Variants in VDAC1 observed in about 807,000 individuals in gnomAD.
The protein encoded by VDAC1 is voltage dependent anion channel 1.
Under a neutral mutation model 34.7 loss-of-function variants are expected in VDAC1, and 10 were observed. The ratio of observed to expected loss-of-function variants is 0.29; its 90% CI spans 0.18 to 0.49. The LOEUF is 0.49. Among genes scored for constraint, VDAC1 ranks in the 20% least tolerant of loss-of-function variants. VDAC1 has a pLI of 0.99. For synonymous variants in VDAC1, 130 were observed against 136.0 expected (o/e 0.96, Z 0.30); for missense variants, 230 against 347.9 (o/e 0.66, Z 2.69).
At chr5:134,068,466 G>A in the VDAC1 span, among the ~76,000 whole-genome samples, 6 of 150,640 alleles carry the variant, frequency 4.0e-5, no homozygotes, top group Admixed American at 6.6e-5. Flanking sequence ...TGAACAACAC[G>A]TATTTTAGTT....
the VDAC1 span, among the ~76,000 whole-genome samples, chr5:134,078,208 A>T: frequency 2.0e-5 from 3 of 152,200 alleles, no homozygotes; most frequent in Non-Finnish European, 4.4e-5. Flanking sequence ...CCTGCCCTCA[A>T]AGAGGCTAGA....
At chr5:134,095,482 C>CAGTA in the VDAC1 span, among the ~76,000 whole-genome samples, 11 of 98,326 alleles carry the variant, frequency 1.1e-4, no homozygotes, top group East Asian at 1.1e-3. Flanking sequence ...GACTCTGTCT[C>CAGTA]AGTAAATAAA....
At chr5:133,973,317 C>A (rs1177349449) in intron 8 of VDAC1, among the ~76,000 whole-genome samples, 2 of 152,214 alleles carry the variant, frequency 1.3e-5, no homozygotes, top group Non-Finnish European at 2.9e-5. Context: ...CTGGAATAAC[C>A]TGATTCAGGG....
chr5:134,028,876 A>C, the VDAC1 span, among the ~76,000 whole-genome samples: 1 of 152,214 alleles, frequency 6.6e-6, no homozygotes, highest in African/African-American at 2.4e-5. Context: ...TCCTCCCTTC[A>C]GAAGGCAGTT....
chr5:134,063,548 G>A, the VDAC1 span, among the ~76,000 whole-genome samples: 11 of 152,322 alleles, frequency 7.2e-5, no homozygotes, highest in African/African-American at 2.6e-4. Flanking sequence ...ACTGGGGCTT[G>A]CTGTATTTTG....
chr5:134,033,813 A>C, the VDAC1 span, among the ~76,000 whole-genome samples: 39 of 152,096 alleles, frequency 2.6e-4, 2 homozygotes, highest in South Asian at 7.8e-3. Context: ...TAACACGGTG[A>C]AACCCCGTCT....
the VDAC1 span, among the ~76,000 whole-genome samples, chr5:134,089,229 C>T: frequency 6.6e-6 from 1 of 152,246 alleles, no homozygotes. Context: ...ACACCCCAGG[C>T]TCTGAGCTGC....
chr5:134,000,711 C>A (rs1440101439), intron 1 of VDAC1, among the ~76,000 whole-genome samples: 1 of 98 alleles, frequency 0.01, no homozygotes, highest in Non-Finnish European at 0.023. Flanking sequence ...GAAAGAGAGC[C>A]TGGATGGCGT....
chr5:133,980,669 C>A, intron 6 of VDAC1, 60 bp downstream of exon 6: 1 of 884,886 alleles, frequency 1.1e-6, no homozygotes, highest in Non-Finnish European at 1.7e-6. Flanking sequence ...AAAAGCAATC[C>A]CCTTACCACA....
rs769931323 is a variant in VDAC1 at position 133,973,837 on chromosome 5, G to A, written c.714C>T (p.Asn238=). The change falls in exon 8 of 9, where the codon AAC becomes AAT. Residue 238 remains asparagine (N), a synonymous_variant. Transcript: ENST00000265333. The stretch of plus-strand genomic sequence containing the variant: ...ATCCTAAACCTATCAGGCTGGAGTT[G>A]TTCACTTTAGCCTAATCAAGGAAAT... ...DPDACFSAKV[N]NSSLIGLGYT... is the part of the protein sequence containing the mutation. 1.2e-6 allele frequency: 2 copies of A among 1,612,836 alleles called. No individual in the cohort carries two copies. The highest frequency in any genetic ancestry group is 3.3e-5 in the Admixed American group (2 of 59,814).
At chr5:134,096,240 G>A in the VDAC1 span, among the ~76,000 whole-genome samples, 1 of 152,252 alleles carries the variant, frequency 6.6e-6, no homozygotes, top group Admixed American at 6.5e-5. Flanking sequence ...ACTGCCGAGG[G>A]CAATGAGTCC....
At chr5:134,087,617 G>A in the VDAC1 span, among the ~76,000 whole-genome samples, 2 of 152,222 alleles carry the variant, frequency 1.3e-5, no homozygotes, top group Non-Finnish European at 2.9e-5. Flanking sequence ...CACTTTGGGA[G>A]GCTGAGGCGG....
At chr5:133,979,826 C>T (rs1045173087) in intron 6 of VDAC1, among the ~76,000 whole-genome samples, 6 of 152,184 alleles carry the variant, frequency 3.9e-5, no homozygotes, top group Non-Finnish European at 8.8e-5. Flanking sequence ...ACAGTTCCCT[C>T]CCCGAAACTC....
the VDAC1 span, among the ~76,000 whole-genome samples, chr5:134,092,000 A>G: frequency 6.6e-6 from 1 of 152,312 alleles, no homozygotes; most frequent in African/African-American, 2.4e-5. Flanking sequence ...CCATGTACTC[A>G]GGTCTCCTTT....
the VDAC1 span, among the ~76,000 whole-genome samples, chr5:134,090,223 T>C: frequency 6.6e-6 from 1 of 152,186 alleles, no homozygotes. Flanking sequence ...CCCCAGGAGC[T>C]ACTCTAATTC....
At chr5:134,088,753 T>A in the VDAC1 span, among the ~76,000 whole-genome samples, 3 of 152,178 alleles carry the variant, frequency 2.0e-5, no homozygotes, top group African/African-American at 7.2e-5. Flanking sequence ...TCTTTCCCCC[T>A]TGCTCCTCAC....
At chr5:134,016,893 CTTGCAAAGCT>C in the VDAC1 span, among the ~76,000 whole-genome samples, 1 of 152,192 alleles carries the variant, frequency 6.6e-6, no homozygotes, top group African/African-American at 2.4e-5. Context: ...CCATGCACGA[CTTGCAAAGCT>C]TGGATCCTGA....
At chr5:134,105,849 CCT>C in the VDAC1 span, among the ~76,000 whole-genome samples, 2 of 152,268 alleles carry the variant, frequency 1.3e-5, no homozygotes, top group African/African-American at 4.8e-5. Flanking sequence ...CTAGAAACTC[CCT>C]CTTTCTAGGA....
chr5:134,098,519 C>A, the VDAC1 span, among the ~76,000 whole-genome samples: 115,477 of 152,208 alleles, frequency 0.76, 44,317 homozygotes, highest in Non-Finnish European at 0.82. Flanking sequence ...GCCACCACAC[C>A]CGGCCAAGGA....
Sources: gnomAD v4.1 joint callset for allele counts (sites outside exome capture counted in the v4.1 genomes callset) on GRCh38, gnomAD v4.1.1 for gene constraint, MANE v1.5 for transcripts, NCBI Gene and HGNC (gene_info 2026-07-23, HGNC 2026-07-21) for gene names.